RPTOR: variants seen among roughly 807,000 people sequenced by gnomAD.
RPTOR encodes the protein regulatory associated protein of MTOR complex 1.
A neutral mutation model predicts 169.9 loss-of-function variants in RPTOR; 21 were observed. The ratio of observed to expected loss-of-function variants is 0.12; its 90% CI spans 0.09 to 0.18. The LOEUF (loss-of-function observed/expected upper bound fraction) is 0.18, where lower values mean the gene tolerates loss of function less well. RPTOR is among the 10% of genes least tolerant of loss of function. The probability of loss-of-function intolerance (pLI) is 1.00; values close to 1 mark genes in which losing one functional copy is unlikely to be tolerated. For missense variants in RPTOR, 1,133 were observed against 1,855.9 expected (o/e 0.61, Z 7.16); for synonymous variants, 732 against 753.2 (o/e 0.97, Z 0.46).
chr17:80,763,746 G>T (rs2066758060), intron 6 of RPTOR, among the ~76,000 whole-genome samples: 1 of 152,250 alleles, frequency 6.6e-6, no homozygotes, highest in South Asian at 2.1e-4. Flanking sequence ...TCAGCATCGT[G>T]TGAACTCCGT....
In RPTOR at chr17:80,922,746, A is replaced by C. The variant is rs1454729862; in HGVS notation, c.2543A>C (p.Gln848Pro). Residue 848 changes from glutamine (Q) to proline (P), a missense_variant, in exon 22 of 34, where the codon CAG (glutamine) becomes CCG (proline). Gln to Pro is a moderately conservative substitution (Grantham distance 76). This residue lies in a region of RPTOR where 123 missense variants were observed against 129.0 expected (regional missense o/e 0.95). Coordinates refer to ENST00000306801, the MANE Select transcript of RPTOR (RefSeq NM_020761.3). ...TAGGCCACCGTGAACGCCCGGCCGC[A>C]GCGCGTCCTGGACACCTCCTCCCTC... ...AYKATVNARP[Q>P]RVLDTSSLTQ... 1 of 1,588,340 alleles carries C rather than the reference A, an allele frequency of 6.3e-7. No homozygotes were observed. The highest frequency in any genetic ancestry group is 1.7e-5 in the Admixed American group (1 of 58,060).
At chr17:80,649,991 T>C (rs117865905) in intron 3 of RPTOR, among the ~76,000 whole-genome samples, 2,752 of 152,354 alleles carry the variant, frequency 0.018, 36 homozygotes, top group Middle Eastern at 0.041. Context: ...CCGGACTCTT[T>C]AGACCAATTG....
At chr17:80,759,344 T>G (rs1388281799) in intron 6 of RPTOR, among the ~76,000 whole-genome samples, 1 of 152,032 alleles carries the variant, frequency 6.6e-6, no homozygotes, top group South Asian at 2.1e-4. Flanking sequence ...CTTGTAGGAG[T>G]TAGGACATAG....
chr17:80,753,167 G>A (rs929581624), intron 5 of RPTOR, among the ~76,000 whole-genome samples: 2 of 152,310 alleles, frequency 1.3e-5, no homozygotes, highest in Admixed American at 1.3e-4. Context: ...CCCACTCGGG[G>A]ATGAGTGCTC....
chr17:80,814,146 T>A (rs562397329), intron 7 of RPTOR, among the ~76,000 whole-genome samples: 2 of 151,852 alleles, frequency 1.3e-5, no homozygotes, highest in South Asian at 2.1e-4. Flanking sequence ...CTCAAAAAAA[T>A]TTTTTTTTCA....
chr17:80,718,030 A>G (rs1225227611), intron 4 of RPTOR, among the ~76,000 whole-genome samples: 1 of 151,826 alleles, frequency 6.6e-6, no homozygotes, highest in African/African-American at 2.4e-5. Flanking sequence ...CACTTGATAC[A>G]TTTTTTTTCT....
At chr17:80,679,014 G>A (rs1051894679) in intron 3 of RPTOR, among the ~76,000 whole-genome samples, 30 of 152,332 alleles carry the variant, frequency 2.0e-4, no homozygotes, top group African/African-American at 7.0e-4. Context: ...ACAAGAAGTG[G>A]CCTCTGCTTC....
rs534670784 is a variant in RPTOR at position 80,644,063 on chromosome 17, A to G, written c.348+253A>G. ...AACTTATTTTGCTTAAGTTTGTTCC[A>G]GATTTTTAGAAAAGAAAAAGTATTC... On this transcript the variant is annotated intron_variant, in intron 3 of 33. Coordinates refer to ENST00000306801, the MANE Select transcript of RPTOR (RefSeq NM_020761.3). Among the ~76,000 whole-genome samples the G allele has an allele frequency of 1.6e-4, 24 of 152,348 alleles. No individual in the cohort carries two copies. In the East Asian group the frequency reaches 4.6e-3, roughly 29 times the overall value.
In RPTOR at chr17:80,961,160, C is replaced by T. The variant is rs572301787; in HGVS notation, c.3606-234C>T. Reference sequence around the variant, plus strand: ...CAGTCCTCCAGCGGCCTGACGGTGACCTAGGGCCCAGCCCTGAGCCAGCCT... The same window carrying T: ...CAGTCCTCCAGCGGCCTGACGGTGATCTAGGGCCCAGCCCTGAGCCAGCCT... On this transcript the variant is annotated intron_variant, in intron 30 of 33. Coordinates refer to ENST00000306801, the MANE Select transcript of RPTOR (RefSeq NM_020761.3). 46 of 498,424 alleles carry T rather than the reference C, an allele frequency of 9.2e-5. 1 individual carries two copies. The highest frequency in any genetic ancestry group is 4.0e-4 in the East Asian group (13 of 32,124). 30.9% of individuals were successfully genotyped at this position (498,424 alleles called of 1,614,324 possible).
At chr17:80,882,664 C>T (rs1395246145) in intron 14 of RPTOR, among the ~76,000 whole-genome samples, 2 of 152,132 alleles carry the variant, frequency 1.3e-5, no homozygotes, top group African/African-American at 2.4e-5. Context: ...GAGGAGGAAA[C>T]GGAACCAGGA....
intron 17 of RPTOR, among the ~76,000 whole-genome samples, chr17:80,885,565 A>G (rs565677072): frequency 6.6e-6 from 1 of 151,978 alleles, no homozygotes; most frequent in South Asian, 2.1e-4. Context: ...TTTTTTTGAG[A>G]TGGAGTCTCT....
intron 4 of RPTOR, among the ~76,000 whole-genome samples, chr17:80,719,272 G>T (rs570019231): frequency 6.6e-6 from 1 of 152,282 alleles, no homozygotes; most frequent in East Asian, 1.9e-4. Context: ...AGCCGGGAAG[G>T]GTACCTGTCA....
chr17:80,856,801 T>C (rs560786296), intron 12 of RPTOR, among the ~76,000 whole-genome samples: 1 of 152,350 alleles, frequency 6.6e-6, no homozygotes, highest in South Asian at 2.1e-4. Flanking sequence ...TTAAAACCAG[T>C]TTCTTCCCTT....
rs546298477 is a variant in RPTOR, at chr17:80,959,169, C to T, written c.3478-909C>T. Among the ~76,000 whole-genome samples, 28 of 152,370 alleles carry T rather than the reference C, an allele frequency of 1.8e-4. No homozygotes were observed. In the South Asian group the frequency reaches 5.6e-3, roughly 30 times the overall value. On this transcript the variant is annotated intron_variant, in intron 29 of 33. Transcript: ENST00000306801. This position sits in a 1 kb window ranked among gnomAD's most constrained non-coding sequence, Gnocchi z 6.7. ...CCCGTGTGGGCAGCCTCCCCTCTGA[C>T]GTGACCGTGGATCCCTCGAGGCACC...
chr17:80,877,801 CG>C (rs1283554567), intron 13 of RPTOR, among the ~76,000 whole-genome samples: 2 of 152,166 alleles, frequency 1.3e-5, no homozygotes, highest in Non-Finnish European at 2.9e-5. Context: ...CTCCTCAGCT[CG>C]GGGGAGCAGC....
chr17:80,657,536 C>T (rs1480211574), intron 3 of RPTOR, among the ~76,000 whole-genome samples: 1 of 152,072 alleles, frequency 6.6e-6, no homozygotes, highest in Non-Finnish European at 1.5e-5. Context: ...ATGTTGCTTT[C>T]ATATTCCCAG....
chr17:80,732,329 A>G (rs1440263960), intron 5 of RPTOR, among the ~76,000 whole-genome samples: 1 of 152,206 alleles, frequency 6.6e-6, no homozygotes, highest in Non-Finnish European at 1.5e-5. Flanking sequence ...CTCCCCTTTC[A>G]GCAGAAGACC....
intron 3 of RPTOR, among the ~76,000 whole-genome samples, chr17:80,705,057 G>A (rs746128665): frequency 6.6e-6 from 1 of 152,202 alleles, no homozygotes; most frequent in South Asian, 2.1e-4. Flanking sequence ...GCCACGCATC[G>A]ACACCCCTCC....
chr17:80,733,784 C>T (rs923476768), intron 5 of RPTOR, among the ~76,000 whole-genome samples: 3 of 152,264 alleles, frequency 2.0e-5, no homozygotes, highest in Admixed American at 6.5e-5. Flanking sequence ...GGCTGCGTCA[C>T]TCACGACGCC....
Sources: allele counts gnomAD v4.1 joint callset (sites outside exome capture counted in the v4.1 genomes callset), GRCh38; gene constraint gnomAD v4.1.1; regional missense constraint gnomAD v4.1.1; non-coding constraint Gnocchi (gnomAD v3.1); transcripts MANE v1.5; gene names NCBI Gene and HGNC (gene_info 2026-07-23, HGNC 2026-07-21).